The following CRB1 variants were observed in gnomAD, a reference collection of about 807,000 sequenced individuals.
The protein encoded by CRB1 is crumbs cell polarity complex component 1, also known as protein crumbs homolog 1.
In CRB1, 83 loss-of-function variants were observed where a neutral mutation model predicts 120.0. That is an observed-to-expected ratio of 0.69 (90% confidence interval 0.58 to 0.83). The LOEUF (loss-of-function observed/expected upper bound fraction) is 0.83. Ranked by LOEUF, CRB1 falls within the 40% of genes least tolerant of loss-of-function variation. The pLI, the probability that CRB1 is intolerant of heterozygous loss-of-function variation, is 0.00. For synonymous variants in CRB1, 625 were observed against 612.5 expected (o/e 1.02, Z -0.30); for missense variants, 1,699 against 1,687.6 (o/e 1.01, Z -0.12).
chr1:197,467,516 T>C (rs1189186542), intron 11 of CRB1, among the ~76,000 whole-genome samples: 1 of 152,222 alleles, frequency 6.6e-6, no homozygotes, highest in Non-Finnish European at 1.5e-5. Flanking sequence ...ATGTCCCTTA[T>C]AGATTTTTTA....
rs117476288 is a variant in CRB1 at position 197,278,063 on chromosome 1, G to A, written c.70+9581G>A. Among the ~76,000 whole-genome samples the A allele has an allele frequency of 9.2e-5, 14 of 151,982 alleles. No homozygotes were observed. The East Asian group carries it at 1.9e-3, about 21-fold the overall frequency. On this transcript the variant is annotated intron_variant, in intron 1 of 11. Coordinates refer to ENST00000367400, the MANE Select transcript of CRB1 (RefSeq NM_201253.3). ...TGCAAGTTGGCTGCAGCTCTGCCTC[G>A]TTTGTATTCTTCATTGCTATAGTGA...
At chr1:197,464,116 C>T (rs568301716) in intron 11 of CRB1, among the ~76,000 whole-genome samples, 12 of 152,298 alleles carry the variant, frequency 7.9e-5, no homozygotes, top group Admixed American at 4.6e-4. Flanking sequence ...AGCTGTGTTG[C>T]AACTCTTTCT....
the CRB1 span, among the ~76,000 whole-genome samples, chr1:197,241,960 A>T: frequency 6.6e-6 from 1 of 152,144 alleles, no homozygotes; most frequent in Non-Finnish European, 1.5e-5. Context: ...GCAATTGTGA[A>T]TGGGAATTCA....
chr1:197,289,567 A>T (rs1389766790), intron 1 of CRB1, among the ~76,000 whole-genome samples: 1 of 151,746 alleles, frequency 6.6e-6, no homozygotes, highest in Non-Finnish European at 1.5e-5. Flanking sequence ...TTTGGGGAAA[A>T]TTTGAACCAT....
intron 5 of CRB1, among the ~76,000 whole-genome samples, chr1:197,394,479 A>T (rs1039427170): frequency 1.3e-5 from 2 of 151,964 alleles, no homozygotes; most frequent in African/African-American, 4.8e-5. Context: ...AGCCCCCATG[A>T]TGTTCAAGGG....
chr1:197,290,598 C>T (rs1656118826), intron 1 of CRB1, among the ~76,000 whole-genome samples: 1 of 151,694 alleles, frequency 6.6e-6, no homozygotes, highest in Non-Finnish European at 1.5e-5. Flanking sequence ...AGGACAGACA[C>T]AGTATGAACG....
the CRB1 span, among the ~76,000 whole-genome samples, chr1:197,206,805 G>A: frequency 6.6e-6 from 1 of 152,004 alleles, no homozygotes; most frequent in African/African-American, 2.4e-5. Flanking sequence ...TTTCTGTCTT[G>A]ATAACCTGTC....
upstream of CRB1, among the ~76,000 whole-genome samples, chr1:197,263,277 T>G (rs1654555117): frequency 6.6e-6 from 1 of 152,156 alleles, no homozygotes; most frequent in Non-Finnish European, 1.5e-5. Flanking sequence ...TCTCTGATGA[T>G]CAGTGATGTT....
intron 2 of CRB1, among the ~76,000 whole-genome samples, chr1:197,330,069 C>T (rs1658757952): frequency 1.3e-5 from 2 of 152,138 alleles, no homozygotes; most frequent in South Asian, 2.1e-4. Context: ...TGCACCAGAA[C>T]CCTCCAGCAT....
upstream of CRB1, among the ~76,000 whole-genome samples, chr1:197,264,906 T>C (rs923406471): frequency 2.0e-5 from 3 of 152,062 alleles, no homozygotes; most frequent in African/African-American, 7.2e-5. Context: ...ATTACAGACG[T>C]GAGCCACCAC....
chr1:197,363,196 T>C (rs1427059310), intron 5 of CRB1, among the ~76,000 whole-genome samples: 3 of 152,000 alleles, frequency 2.0e-5, no homozygotes, highest in African/African-American at 4.8e-5. Context: ...GATGGTGTTA[T>C]AATTTTTATT....
intron 5 of CRB1, among the ~76,000 whole-genome samples, chr1:197,376,872 G>T (rs2125392823): frequency 6.6e-6 from 1 of 152,164 alleles, no homozygotes; most frequent in South Asian, 2.1e-4. Context: ...ATCTGTCCTT[G>T]GTTATCCTCT....
chr1:197,337,417 T>C (rs1659218012), intron 2 of CRB1, among the ~76,000 whole-genome samples: 1 of 152,214 alleles, frequency 6.6e-6, no homozygotes, highest in Non-Finnish European at 1.5e-5. Flanking sequence ...TCAGCCTAGA[T>C]GTTCTCTAGT....
rs758633062 is a variant in CRB1 at position 197,477,671 on chromosome 1, A to G, written c.4013A>G (p.Asp1338Gly). 6.2e-7 allele frequency: 1 copy of G among 1,613,716 alleles called. No individual in the cohort carries two copies. ...TGATTTCAATCTTTCCAGTTGGCAG[A>G]TGACTTGATCTCCGACATTTTCACC... ...AGERCEVDLA[D>G]DLISDIFTTI... The change falls in exon 12 of 12, where the codon GAT (aspartate) becomes GGT (glycine). Residue 1338 changes from aspartate to glycine, a missense_variant. Transcript: ENST00000367400.
intron 11 of CRB1, among the ~76,000 whole-genome samples, chr1:197,456,706 T>A (rs1666302187): frequency 6.6e-6 from 1 of 152,164 alleles, no homozygotes; most frequent in South Asian, 2.1e-4. Context: ...TCAAGATCCA[T>A]AAAGACATAT....
chr1:197,243,894 T>C, the CRB1 span, among the ~76,000 whole-genome samples: 1 of 152,314 alleles, frequency 6.6e-6, no homozygotes, highest in Non-Finnish European at 1.5e-5. Flanking sequence ...TAGTTAGCTC[T>C]TCTTGTTGCA....
At chr1:197,445,599 G>C (rs1229584493) in intron 11 of CRB1, among the ~76,000 whole-genome samples, 1 of 151,942 alleles carries the variant, frequency 6.6e-6, no homozygotes, top group African/African-American at 2.4e-5. Flanking sequence ...GCCATTTGTA[G>C]GTTTAAAAAT....
chr1:197,302,605 T>C (rs1442545041), intron 1 of CRB1, among the ~76,000 whole-genome samples: 1 of 151,906 alleles, frequency 6.6e-6, no homozygotes, highest in Non-Finnish European at 1.5e-5. Flanking sequence ...ATGTTAGGAG[T>C]GAAGTCTGAG....
Position 197,429,486 on chromosome 1 carries a change from G to T in CRB1, c.2714G>T (p.Arg905Leu). The stretch of plus-strand genomic sequence containing the variant: ...CACAATGGAGGTGTTTGCCATTCCC[G>T]GTGGGATGACTTCTCCTGTTCCTGT... ...PCHNGGVCHS[R>L]WDDFSCSCPA... Residue 905 changes from arginine to leucine, a missense_variant, in exon 8 of 12, where the codon CGG becomes CTG. By Grantham distance (102) the Arg-to-Leu change is moderately radical. Coordinates refer to ENST00000367400, the MANE Select transcript of CRB1 (RefSeq NM_201253.3). 6.2e-7 allele frequency: 1 copy of T among 1,613,932 alleles called. No homozygotes were observed. Among genetic ancestry groups the T allele is most frequent in the Non-Finnish European group, 8.5e-7 (1 of 1,179,950 alleles).
Sources: gnomAD v4.1 joint callset for allele counts (sites outside exome capture counted in the v4.1 genomes callset) on GRCh38, gnomAD v4.1.1 for gene constraint, MANE v1.5 for transcripts, NCBI Gene and HGNC (gene_info 2026-07-23, HGNC 2026-07-21) for gene names.